The following PBX4 variants were observed in gnomAD, a reference collection of about 807,000 sequenced individuals.
PBX4 encodes PBX homeobox 4.
Under a neutral mutation model 35.1 loss-of-function variants are expected in PBX4, and 26 were observed. That is an observed-to-expected ratio of 0.74 (90% confidence interval 0.54 to 1.03). PBX4 has a LOEUF of 1.03. Ranked by LOEUF, PBX4 falls within the 50% of genes least tolerant of loss-of-function variation. PBX4 has a pLI of 0.00. For missense variants in PBX4, 448 were observed against 504.3 expected (o/e 0.89, Z 1.07); for synonymous variants, 199 against 204.2 (o/e 0.97, Z 0.22).
chr19:19,600,686 G>A (rs888237307), intron 1 of PBX4, among the ~76,000 whole-genome samples: 46 of 151,620 alleles, frequency 3.0e-4, no homozygotes, highest in African/African-American at 1.0e-3. Flanking sequence ...GCGTGGTGGT[G>A]CACACCTGTA....
At chr19:19,570,348 G>C (rs2061374131) in intron 3 of PBX4, 49 bp from the exon 4 acceptor site, 13 of 1,549,986 alleles carry the variant, frequency 8.4e-6, no homozygotes, top group Non-Finnish European at 1.1e-5. Context: ...CAGCAGGGTG[G>C]CACAGGGCAG....
At position 19,570,251 on chromosome 19, in the gene PBX4, T is replaced by A; in HGVS notation, c.490A>T (p.Ser164Cys). The A allele has an allele frequency of 6.2e-7, 1 of 1,613,626 alleles. No homozygotes were observed. Among genetic ancestry groups the A allele is most frequent in the Non-Finnish European group, 8.5e-7 (1 of 1,179,724 alleles). ...THVTNLLQEQ[S>C]RMRPVSPKEI... ...TTAGGGGAGACAGGCCTCATCCTGCTCTGCTCCTGGAGGAGGTTGGTGACG... is the reference window on the plus strand; with the variant it reads ...TTAGGGGAGACAGGCCTCATCCTGCACTGCTCCTGGAGGAGGTTGGTGACG... The change falls in exon 4 of 8, where the codon AGC becomes TGC. Residue 164 changes from serine (S) to cysteine (C), a missense_variant. Physicochemically the swap from Ser to Cys is moderately radical, Grantham distance 112. Coordinates refer to ENST00000251203, the MANE Select transcript of PBX4 (RefSeq NM_025245.3).
chr19:19,604,548 T>A (rs1347498679), intron 1 of PBX4, among the ~76,000 whole-genome samples: 1 of 151,456 alleles, frequency 6.6e-6, no homozygotes, highest in Non-Finnish European at 1.5e-5. Context: ...TTGTGGGGGA[T>A]GAGATGACAT....
intron 1 of PBX4, among the ~76,000 whole-genome samples, chr19:19,617,538 C>A (rs1301198249): frequency 2.0e-5 from 3 of 152,088 alleles, no homozygotes; most frequent in Non-Finnish European, 2.9e-5. Flanking sequence ...CCTGCCTCAG[C>A]CTCCTAAAGT....
rs573696978 is a variant in PBX4, at chr19:19,577,813, C to T, written c.194-6980G>A. 2.2e-4 allele frequency among the ~76,000 whole-genome samples: 34 copies of T among 151,312 alleles called. No homozygotes were observed. The South Asian group carries it at 2.9e-3, about 13-fold the overall frequency. ...GGCAGAGGTTGCAGTGAGCTGAGATCGCGCCAGTGCACTCCAGCCTGGCGA... is the reference window on the plus strand; with the variant it reads ...GGCAGAGGTTGCAGTGAGCTGAGATTGCGCCAGTGCACTCCAGCCTGGCGA... On this transcript the variant is annotated intron_variant, in intron 2 of 7. Transcript: ENST00000251203.
At chr19:19,570,323 C>T (rs376809885) in intron 3 of PBX4, 24 bp from the exon 4 acceptor site, 12 of 1,574,656 alleles carry the variant, frequency 7.6e-6, no homozygotes, top group African/African-American at 5.4e-5. Flanking sequence ...ACAGACACGC[C>T]GGCCTGTGAC....
chr19:19,569,905 G>A (rs897664130), intron 4 of PBX4, among the ~76,000 whole-genome samples: 4 of 152,032 alleles, frequency 2.6e-5, no homozygotes, highest in Admixed American at 6.6e-5. Context: ...GTGAGACTCC[G>A]TCTCAAATAA....
chr19:19,593,491 G>C (rs1450169111), intron 2 of PBX4, among the ~76,000 whole-genome samples: 1 of 152,156 alleles, frequency 6.6e-6, no homozygotes, highest in Admixed American at 6.6e-5. Flanking sequence ...CCTGCCACTG[G>C]CTGGTTTGTC....
chr19:19,561,815 T>C lies in PBX4; in HGVS notation c.*210A>G, dbSNP rs952457661. ...TAAAATTACTGTCAAAAAAACGAAC[T>C]GAAGTGGGAGAATGAGTGGCGTTTC... On this transcript the variant is annotated 3_prime_UTR_variant, in exon 8 of 8. Transcript: ENST00000251203. 1 of 461,404 alleles carries C rather than the reference T, an allele frequency of 2.2e-6. No homozygotes were observed. Among genetic ancestry groups the C allele is most frequent in the Non-Finnish European group, 3.8e-6 (1 of 260,322 alleles). 28.6% of individuals were successfully genotyped at this position (461,404 alleles called of 1,614,324 possible). A position where few individuals can be genotyped will look rare whatever the true frequency, so the allele number is the denominator to read the frequency against.
chr19:19,591,019 C>T (rs922198427), intron 2 of PBX4, among the ~76,000 whole-genome samples: 2 of 152,008 alleles, frequency 1.3e-5, no homozygotes, highest in Admixed American at 1.3e-4. Context: ...AACAGCCCTG[C>T]GTTGAGTATC....
intron 2 of PBX4, among the ~76,000 whole-genome samples, chr19:19,594,084 TAA>T (rs1173832310): frequency 8.6e-4 from 112 of 129,842 alleles, no homozygotes; most frequent in African/African-American, 2.9e-3. Context: ...GTGTCTTAAT[TAA>T]AAAAAAAAAA....
intron 1 of PBX4, among the ~76,000 whole-genome samples, chr19:19,611,844 G>A (rs1369531625): frequency 6.6e-6 from 1 of 151,754 alleles, no homozygotes; most frequent in Non-Finnish European, 1.5e-5. Flanking sequence ...CATTATAACA[G>A]TGAGCATTTA....
intron 2 of PBX4, among the ~76,000 whole-genome samples, chr19:19,583,026 G>C (rs1018716556): frequency 6.6e-6 from 1 of 152,260 alleles, no homozygotes; most frequent in African/African-American, 2.4e-5. Flanking sequence ...CCCAGCAAGA[G>C]AGCGGAGGTG....
At chr19:19,608,019 A>G (rs1240962416) in intron 1 of PBX4, 1 of 152,222 alleles carries the variant, frequency 6.6e-6, no homozygotes. Context: ...AAACCTAGGT[A>G]CAAACAAAAA....
At chr19:19,612,598 G>A (rs371490254) in intron 1 of PBX4, among the ~76,000 whole-genome samples, 1 of 152,180 alleles carries the variant, frequency 6.6e-6, no homozygotes, top group Non-Finnish European at 1.5e-5. Flanking sequence ...TTCCTCCAGA[G>A]GGGTGGAAAT....
chr19:19,577,854 T>C (rs185215697), intron 2 of PBX4, among the ~76,000 whole-genome samples: 173 of 145,136 alleles, frequency 1.2e-3, no homozygotes, highest in African/African-American at 4.3e-3. Context: ...GGAGACTCCA[T>C]CTAAAAAAAT....
rs1174201036 is a variant in PBX4, at chr19:19,562,333, C to T, written c.1033-216G>A. ...GACATGGGACATGGACGAGCTTCCC[C>T]GGCAGGAAAACTGGCCTCTAGTGGC... On this transcript the variant is annotated intron_variant, in intron 7 of 7. Coordinates refer to ENST00000251203, the MANE Select transcript of PBX4 (RefSeq NM_025245.3). The surrounding 1 kb of genome is among the most constrained non-coding windows in gnomAD (Gnocchi z 4.8). Among the ~76,000 whole-genome samples the T allele has an allele frequency of 1.3e-5, 2 of 152,290 alleles. No individual in the cohort carries two copies. Among genetic ancestry groups the T allele is most frequent in the South Asian group, 2.1e-4 (1 of 4,822 alleles).
intron 1 of PBX4, among the ~76,000 whole-genome samples, chr19:19,600,810 C>T (rs1404080704): frequency 9.9e-6 from 1 of 100,846 alleles, no homozygotes; most frequent in Non-Finnish European, 1.9e-5. Flanking sequence ...GAGAGAGACT[C>T]CATCTCAAAA....
chr19:19,577,079 T>C (rs1456177511), intron 2 of PBX4, among the ~76,000 whole-genome samples: 1 of 151,418 alleles, frequency 6.6e-6, no homozygotes, highest in Non-Finnish European at 1.5e-5. Context: ...AATACAAAAT[T>C]AGCTGAGCAT....
Sources: allele counts gnomAD v4.1 joint callset (sites outside exome capture counted in the v4.1 genomes callset), GRCh38; gene constraint gnomAD v4.1.1; non-coding constraint Gnocchi (gnomAD v3.1); transcripts MANE v1.5; gene names NCBI Gene and HGNC (gene_info 2026-07-23, HGNC 2026-07-21).